The following DYNC1LI1 variants were observed in gnomAD, a reference collection of about 807,000 sequenced individuals.
DYNC1LI1 encodes the protein dynein cytoplasmic 1 light intermediate chain 1, also known as cytoplasmic dynein 1 light intermediate chain 1.
A neutral mutation model predicts 63.8 loss-of-function variants in DYNC1LI1; 19 were observed. That is an observed-to-expected ratio of 0.30 (90% confidence interval 0.21 to 0.44). DYNC1LI1 has a LOEUF of 0.44. Ranked by LOEUF, DYNC1LI1 falls within the 20% of genes least tolerant of loss-of-function variation. The pLI is 1.00. For synonymous variants in DYNC1LI1, 225 were observed against 232.3 expected (o/e 0.97, Z 0.28); for missense variants, 565 against 630.2 (o/e 0.90, Z 1.11).
intron 5 of DYNC1LI1, among the ~76,000 whole-genome samples, chr3:32,538,909 T>C (rs981602912): frequency 6.6e-6 from 1 of 152,156 alleles, no homozygotes; most frequent in Non-Finnish European, 1.5e-5. Context: ...CTGAAATACA[T>C]CTGATAGTGT....
intron 5 of DYNC1LI1, among the ~76,000 whole-genome samples, chr3:32,540,269 T>G (rs553559373): frequency 6.6e-6 from 1 of 152,288 alleles, no homozygotes; most frequent in East Asian, 1.9e-4. Flanking sequence ...TATCAGAACC[T>G]CTTTAAAAAA....
At chr3:32,566,774 T>A in intron 2 of DYNC1LI1, 1 of 415,520 alleles carries the variant, frequency 2.4e-6, no homozygotes, top group Non-Finnish European at 4.7e-6. Context: ...AAAACAAATA[T>A]AATCAATTGT....
chr3:32,530,598 C>T (rs1342344985), intron 8 of DYNC1LI1, 78 bp from the exon 9 acceptor site: 2 of 1,289,370 alleles, frequency 1.6e-6, no homozygotes, highest in African/African-American at 1.5e-5. Flanking sequence ...CTAGATTGGA[C>T]TAATTAAAAA....
chr3:32,533,877 C>CTTTT (rs57075516), intron 7 of DYNC1LI1, among the ~76,000 whole-genome samples: 1 of 130,474 alleles, frequency 7.7e-6, no homozygotes. Flanking sequence ...AGGTAACTTT[C>CTTTT]TTTTTTTTTT....
chr3:32,554,573 G>C (rs1207969694), intron 2 of DYNC1LI1, among the ~76,000 whole-genome samples: 4 of 152,130 alleles, frequency 2.6e-5, no homozygotes, highest in African/African-American at 9.7e-5. Flanking sequence ...AAAGATTGGT[G>C]GTAGCATAGA....
intron 2 of DYNC1LI1, among the ~76,000 whole-genome samples, chr3:32,565,088 A>G (rs12107280): frequency 0.16 from 24,513 of 152,194 alleles, 2,314 homozygotes; most frequent in African/African-American, 0.26. Flanking sequence ...ACAATATAGC[A>G]ACTTTACATT....
intron 2 of DYNC1LI1, among the ~76,000 whole-genome samples, chr3:32,562,328 T>C (rs1575160314): frequency 1.3e-5 from 2 of 152,286 alleles, no homozygotes; most frequent in South Asian, 2.1e-4. Context: ...GGATCATGCA[T>C]TATTTTCATG....
intron 6 of DYNC1LI1, 118 bp downstream of exon 6, chr3:32,536,893 G>C: frequency 1.7e-6 from 1 of 576,378 alleles, no homozygotes; most frequent in Non-Finnish European, 3.1e-6. Flanking sequence ...TCCAACCAGA[G>C]ACAGAAGGAG....
chr3:32,551,028 CATTAAACATTT>C (rs1166965461), intron 2 of DYNC1LI1, among the ~76,000 whole-genome samples: 1 of 150,836 alleles, frequency 6.6e-6, no homozygotes, highest in Non-Finnish European at 1.5e-5. Context: ...AAAACCACTG[CATTAAACATTT>C]ATTAAACTAA....
intron 2 of DYNC1LI1, among the ~76,000 whole-genome samples, chr3:32,552,542 T>C (rs1036629344): frequency 6.6e-6 from 1 of 152,116 alleles, no homozygotes; most frequent in East Asian, 1.9e-4. Context: ...TAAGATACTA[T>C]GTATTTTACT....
rs773484606 is a variant in DYNC1LI1, at chr3:32,570,751, A to T, written c.20T>A (p.Val7Asp). MAAVGR[V>D]GSFGSSPPGL... ...CGGCGGAGAAGAACCGAAGGAGCCG[A>T]CTCGCCCCACGGCCGCCATCTTGGT... Residue 7 changes from valine to aspartate, a missense_variant, in exon 1 of 13, where the codon GTC becomes GAC. Val to Asp is a radical substitution (Grantham distance 152, BLOSUM62 -3). Transcript: ENST00000273130. 3.1e-6 allele frequency: 5 copies of T among 1,602,494 alleles called. No individual in the cohort carries two copies. Among genetic ancestry groups the T allele is most frequent in the Non-Finnish European group, 3.4e-6 (4 of 1,174,676 alleles).
At chr3:32,535,032 A>T (rs945685250) in intron 6 of DYNC1LI1, among the ~76,000 whole-genome samples, 1 of 152,198 alleles carries the variant, frequency 6.6e-6, no homozygotes, top group Admixed American at 6.5e-5. Context: ...TTGCCTTTTC[A>T]ACAAAAATGG....
chr3:32,528,535 G>C lies in DYNC1LI1; in HGVS notation c.1373C>G (p.Ser458Cys). Residue 458 changes from serine to cysteine, a missense_variant, in exon 12 of 13, where the codon TCT (serine) becomes TGT (cysteine). By Grantham distance (112) the Ser-to-Cys change is moderately radical (BLOSUM62 -1). Transcript: ENST00000273130. ...ACCACTCACACCAGGGCCTCCTGGA[G>C]AGCCAGTCTTTTTACTCAACAAACT... ...FNSLLSKKTG[S>C]PGGPGVSGGS... 1 of 1,614,042 alleles carries C rather than the reference G, an allele frequency of 6.2e-7. No individual in the cohort carries two copies.
intron 2 of DYNC1LI1, among the ~76,000 whole-genome samples, chr3:32,558,421 A>AAAG (rs1553619367): frequency 3.3e-5 from 5 of 150,450 alleles, no homozygotes; most frequent in Non-Finnish European, 7.4e-5. Flanking sequence ...AAAAAAAAAA[A>AAAG]AAAAGAAAAG....
Position 32,537,056 on chromosome 3 carries a change from G to T in DYNC1LI1, c.787C>A (p.His263Asn). 6.3e-7 allele frequency: 1 copy of T among 1,599,538 alleles called. No homozygotes were observed. Reference sequence around the variant, plus strand: ...ATATGTGACTGAATAAAATCAAAATGTTCATCTCTGTAGTCATGTTCTTTC... The same window carrying T: ...ATATGTGACTGAATAAAATCAAAATTTTCATCTCTGTAGTCATGTTCTTTC... ...LEKEHDYRDE[H>N]FDFIQSHIRK... Residue 263 changes from histidine to asparagine, a missense_variant, in exon 6 of 13, where the codon CAT becomes AAT. Physicochemically the swap from His to Asn is moderately conservative, Grantham distance 68 (BLOSUM62 1). Coordinates refer to ENST00000273130, the MANE Select transcript of DYNC1LI1 (RefSeq NM_016141.4).
chr3:32,536,809 G>A (rs1697780173), intron 6 of DYNC1LI1, among the ~76,000 whole-genome samples: 1 of 152,030 alleles, frequency 6.6e-6, no homozygotes, highest in South Asian at 2.1e-4. Flanking sequence ...GCAAATCAAA[G>A]TAACATACTT....
chr3:32,541,293 G>A (rs6763265), intron 4 of DYNC1LI1, 87 bp from the exon 5 acceptor site: 10,607 of 843,048 alleles, frequency 0.013, 106 homozygotes, highest in South Asian at 0.033. Context: ...AAATTTACTC[G>A]AATTTATACT....
intron 12 of DYNC1LI1, among the ~76,000 whole-genome samples, chr3:32,527,618 G>A (rs1361059821): frequency 2.0e-5 from 3 of 152,040 alleles, no homozygotes; most frequent in Non-Finnish European, 4.4e-5. Flanking sequence ...CAAAACCTTT[G>A]TTTAAACCGA....
At chr3:32,538,384 G>A (rs926250609) in intron 5 of DYNC1LI1, among the ~76,000 whole-genome samples, 1 of 151,422 alleles carries the variant, frequency 6.6e-6, no homozygotes, top group Non-Finnish European at 1.5e-5. Flanking sequence ...TTTTGGAAAG[G>A]CATGGTGGTT....
Sources: gnomAD v4.1 joint callset for allele counts (sites outside exome capture counted in the v4.1 genomes callset) on GRCh38, gnomAD v4.1.1 for gene constraint, MANE v1.5 for transcripts, NCBI Gene and HGNC (gene_info 2026-07-23, HGNC 2026-07-21) for gene names.